The following CD36 variants were observed in gnomAD, a reference collection of about 807,000 sequenced individuals.
CD36 encodes CD36 molecule (CD36 blood group), also known as platelet glycoprotein 4.
A neutral mutation model predicts 55.2 loss-of-function variants in CD36; 119 were observed. The observed-to-expected ratio is 2.15, with a 90% confidence interval of 1.86 to 2.51. CD36 has a LOEUF of 2.51. CD36 is among the 30% of genes most tolerant of loss of function. The pLI is 0.00. For missense variants in CD36, 819 were observed against 555.5 expected (o/e 1.47, Z -4.77); for synonymous variants, 186 against 193.6 (o/e 0.96, Z 0.33).
At chr7:80,666,193 C>T in intron 7 of CD36, 2 of 450,532 alleles carry the variant, frequency 4.4e-6, no homozygotes, top group East Asian at 3.8e-5. Flanking sequence ...TTTTCTTATT[C>T]CAAGATGTTT....
At chr7:80,657,825 TA>T (rs1796211778) in intron 4 of CD36, among the ~76,000 whole-genome samples, 3 of 152,236 alleles carry the variant, frequency 2.0e-5, no homozygotes, top group African/African-American at 7.2e-5. Context: ...CAACTAGTTA[TA>T]CACCATGATT....
chr7:80,650,637 A>G (rs1215923073), intron 3 of CD36, among the ~76,000 whole-genome samples: 2 of 152,102 alleles, frequency 1.3e-5, no homozygotes, highest in African/African-American at 4.8e-5. Flanking sequence ...TGATATTTGG[A>G]AAAAAATAAT....
At chr7:80,635,858 C>T (rs1794364340), upstream of CD36, among the ~76,000 whole-genome samples, 1 of 152,112 alleles carries the variant, frequency 6.6e-6, no homozygotes, top group Non-Finnish European at 1.5e-5. Context: ...ATTCTCACTA[C>T]TTGTAAAGCA....
chr7:80,618,338 G>T (rs1024366957), intron 1 of CD36, among the ~76,000 whole-genome samples: 3 of 152,108 alleles, frequency 2.0e-5, no homozygotes, highest in African/African-American at 7.2e-5. Context: ...CGTAGTCCCT[G>T]AGACATGACT....
At chr7:80,669,492 A>T (rs1797437258) in intron 8 of CD36, among the ~76,000 whole-genome samples, 2 of 152,106 alleles carry the variant, frequency 1.3e-5, no homozygotes, top group Admixed American at 6.6e-5. Flanking sequence ...CAATGGCATG[A>T]TCTTGGCTCA....
At chr7:80,651,164 T>A (rs976043690) in intron 3 of CD36, among the ~76,000 whole-genome samples, 4 of 152,082 alleles carry the variant, frequency 2.6e-5, no homozygotes, top group Admixed American at 6.6e-5. Context: ...ATGTTCTCAC[T>A]TGTAAGTAGG....
intron 1 of CD36, among the ~76,000 whole-genome samples, chr7:80,603,213 G>T (rs971327803): frequency 6.6e-6 from 1 of 152,020 alleles, no homozygotes; most frequent in Non-Finnish European, 1.5e-5. Context: ...TGCATATTTC[G>T]AGACACAATT....
chr7:80,607,672 T>A (rs1792637290), intron 1 of CD36, among the ~76,000 whole-genome samples: 1 of 152,134 alleles, frequency 6.6e-6, no homozygotes, highest in African/African-American at 2.4e-5. Context: ...CCAATCTACA[T>A]CTTAGGGCTC....
intron 14 of CD36, among the ~76,000 whole-genome samples, chr7:80,675,347 A>T (rs1036117108): frequency 6.6e-6 from 1 of 152,148 alleles, no homozygotes; most frequent in African/African-American, 2.4e-5. Flanking sequence ...TAACAAAAAA[A>T]CTTGTCCTAA....
intron 11 of CD36, among the ~76,000 whole-genome samples, chr7:80,672,434 C>A (rs1322939827): frequency 1.3e-5 from 2 of 151,610 alleles, no homozygotes; most frequent in African/African-American, 4.8e-5. Context: ...TTAGTTTAAA[C>A]AATGACACAT....
At chr7:80,616,776 G>T (rs1284792235) in intron 1 of CD36, among the ~76,000 whole-genome samples, 1 of 152,054 alleles carries the variant, frequency 6.6e-6, no homozygotes, top group African/African-American at 2.4e-5. Flanking sequence ...CTCTAGGTTG[G>T]TTTTTCTTAC....
At chr7:80,620,097 T>C (rs1341003129) in intron 1 of CD36, among the ~76,000 whole-genome samples, 1 of 150,860 alleles carries the variant, frequency 6.6e-6, no homozygotes, top group East Asian at 2.0e-4. Flanking sequence ...GGGAAAAACT[T>C]TCTAAACCAT....
intron 1 of CD36, among the ~76,000 whole-genome samples, chr7:80,619,685 T>C (rs1304103023): frequency 6.8e-6 from 1 of 147,144 alleles, no homozygotes; most frequent in Non-Finnish European, 1.5e-5. Flanking sequence ...ATAATTTCCA[T>C]GGATAGTAAT....
chr7:80,619,641 T>G (rs1437531538), intron 1 of CD36, among the ~76,000 whole-genome samples: 1 of 123,880 alleles, frequency 8.1e-6, no homozygotes, highest in African/African-American at 3.1e-5. Flanking sequence ...AGTAAGACTC[T>G]GTCTCAAAAC....
chr7:80,607,685 A>G (rs763007103), intron 1 of CD36, among the ~76,000 whole-genome samples: 9 of 152,160 alleles, frequency 5.9e-5, no homozygotes, highest in Non-Finnish European at 4.4e-5. Flanking sequence ...TAGGGCTCCA[A>G]TCACTCTTCT....
intron 7 of CD36, chr7:80,666,235 A>G (rs1238103632): frequency 2.0e-6 from 1 of 496,916 alleles, no homozygotes; most frequent in Non-Finnish European, 3.6e-6. Context: ...TTATTTTATG[A>G]TCTGGCTACC....
At chr7:80,612,459 G>T (rs764378800) in intron 1 of CD36, among the ~76,000 whole-genome samples, 12 of 152,142 alleles carry the variant, frequency 7.9e-5, no homozygotes, top group Non-Finnish European at 1.2e-4. Context: ...ATAACTCAAA[G>T]CTTCTTATGA....
At chr7:80,673,123 C>A (rs1797879672) in intron 12 of CD36, 6 of 511,228 alleles carry the variant, frequency 1.2e-5, no homozygotes, top group Non-Finnish European at 2.1e-5. Flanking sequence ...TATTTCAGTT[C>A]CCCGAGAATT....
intron 14 of CD36, 60 bp downstream of exon 14, chr7:80,674,207 A>C (rs1235370143): frequency 8.1e-7 from 1 of 1,234,878 alleles, no homozygotes; most frequent in African/African-American, 1.5e-5. Flanking sequence ...ACTTGTTTTC[A>C]CTTTATCAAA....
Sources: allele counts gnomAD v4.1 joint callset (sites outside exome capture counted in the v4.1 genomes callset), GRCh38; gene constraint gnomAD v4.1.1; transcripts MANE v1.5; gene names NCBI Gene and HGNC (gene_info 2026-07-23, HGNC 2026-07-21).